JAKMIP2: variants seen among roughly 807,000 people sequenced by gnomAD.
JAKMIP2 encodes janus kinase and microtubule-interacting protein 2.
Under a neutral mutation model 115.0 loss-of-function variants are expected in JAKMIP2, and 25 were observed. The observed-to-expected ratio is 0.22, with a 90% confidence interval of 0.16 to 0.30. JAKMIP2 has a LOEUF of 0.30. JAKMIP2 is among the 10% of genes least tolerant of loss of function. The pLI is 1.00. For synonymous variants in JAKMIP2, 334 were observed against 343.6 expected (o/e 0.97, Z 0.31); for missense variants, 642 against 957.6 (o/e 0.67, Z 4.35).
At chr5:147,640,632 C>T (rs75996307) in intron 9 of JAKMIP2, 72 bp downstream of exon 9, 54,544 of 1,516,438 alleles carry the variant, frequency 0.036, 1,154 homozygotes, top group Non-Finnish European at 0.042. Flanking sequence ...AAAGTGAAAT[C>T]CTTTTTCTTC....
At chr5:147,598,493 T>C (rs1054418190) in intron 21 of JAKMIP2, among the ~76,000 whole-genome samples, 1 of 149,746 alleles carries the variant, frequency 6.7e-6, no homozygotes, top group African/African-American at 2.5e-5. Context: ...TATCTATCTA[T>C]GCTATTGGTT....
chr5:147,619,471 T>A (rs1756746124), intron 18 of JAKMIP2, among the ~76,000 whole-genome samples: 1 of 151,926 alleles, frequency 6.6e-6, no homozygotes, highest in Non-Finnish European at 1.5e-5. Context: ...AAGCAGGGAC[T>A]AAGTGCTTCA....
chr5:147,742,315 A>G (rs1754180677), intron 1 of JAKMIP2, among the ~76,000 whole-genome samples: 2 of 151,692 alleles, frequency 1.3e-5, no homozygotes, highest in South Asian at 4.2e-4. Context: ...GTCCCCTCTC[A>G]ATGCTTGCCT....
At chr5:147,605,104 C>T (rs1475131690) in intron 20 of JAKMIP2, among the ~76,000 whole-genome samples, 1 of 151,642 alleles carries the variant, frequency 6.6e-6, no homozygotes, top group Non-Finnish European at 1.5e-5. Context: ...TGTTAGTTTG[C>T]TGAGAATGAC....
intron 1 of JAKMIP2, among the ~76,000 whole-genome samples, chr5:147,704,746 T>C (rs779346698): frequency 5.9e-5 from 9 of 152,186 alleles, no homozygotes; most frequent in Non-Finnish European, 7.3e-5. Context: ...GTAAATATCT[T>C]TGGCTGTCAA....
intron 21 of JAKMIP2, among the ~76,000 whole-genome samples, chr5:147,594,791 G>T (rs1755281577): frequency 6.6e-6 from 1 of 152,274 alleles, no homozygotes; most frequent in East Asian, 1.9e-4. Context: ...TTGTCATAAA[G>T]TATTCAATAA....
At chr5:147,700,496 G>A (rs920528061) in intron 1 of JAKMIP2, among the ~76,000 whole-genome samples, 5 of 152,128 alleles carry the variant, frequency 3.3e-5, no homozygotes, top group Non-Finnish European at 5.9e-5. Context: ...GCTAATATAT[G>A]TCTCATGCAG....
At chr5:147,713,986 AT>A (rs941821728) in intron 1 of JAKMIP2, among the ~76,000 whole-genome samples, 6 of 152,164 alleles carry the variant, frequency 3.9e-5, no homozygotes, top group Non-Finnish European at 8.8e-5. Flanking sequence ...CCAGATTGCT[AT>A]TTTGCCTACA....
chr5:147,675,783 A>ATTTTTT (rs1245892919), intron 1 of JAKMIP2, among the ~76,000 whole-genome samples: 14 of 99,204 alleles, frequency 1.4e-4, no homozygotes, highest in East Asian at 5.9e-4. Flanking sequence ...ATCATATGAC[A>ATTTTTT]TTTTTTTTTT....
intron 2 of JAKMIP2, among the ~76,000 whole-genome samples, chr5:147,664,180 T>C (rs1169721826): frequency 1.3e-5 from 2 of 152,220 alleles, no homozygotes; most frequent in African/African-American, 4.8e-5. Flanking sequence ...TCACATTATA[T>C]TTCTCTTGGA....
intron 1 of JAKMIP2, among the ~76,000 whole-genome samples, chr5:147,672,437 C>G (rs1487842637): frequency 6.6e-6 from 1 of 152,222 alleles, no homozygotes; most frequent in Non-Finnish European, 1.5e-5. Context: ...ACCGGATTAA[C>G]TGAGTCACTC....
rs1754869113 is a variant in JAKMIP2, at chr5:147,586,337, C to T, written c.*5370G>A. The T allele has an allele frequency of 6.6e-6, 1 of 152,128 alleles. No homozygotes were observed. The highest frequency in any genetic ancestry group is 1.5e-5 in the Non-Finnish European group (1 of 68,040). The allele number at this position is 152,128 out of a possible 1,614,324, so 9.4% of individuals were successfully genotyped here. A position where few individuals can be genotyped will look rare whatever the true frequency, so the allele number is the denominator to read the frequency against. Reference sequence around the variant, plus strand: ...TTTATAAAAATGTTTGGATTTTGATCTGCCTCATTGTGGGAAGTTGCTATG... The same window carrying T: ...TTTATAAAAATGTTTGGATTTTGATTTGCCTCATTGTGGGAAGTTGCTATG... On this transcript the variant is annotated 3_prime_UTR_variant, in exon 22 of 22. Coordinates refer to ENST00000616793, the MANE Select transcript of JAKMIP2 (RefSeq NM_001270941.2).
intron 1 of JAKMIP2, among the ~76,000 whole-genome samples, chr5:147,763,218 T>C (rs984199645): frequency 2.1e-4 from 32 of 152,212 alleles, no homozygotes; most frequent in Admixed American, 9.8e-4. Flanking sequence ...ATAGCCTGGA[T>C]AGATGAGTTC....
chr5:147,623,184 G>A (rs1756930947), intron 17 of JAKMIP2, among the ~76,000 whole-genome samples: 1 of 151,590 alleles, frequency 6.6e-6, no homozygotes, highest in South Asian at 2.1e-4. Context: ...CAAATTGCTA[G>A]GACAGGTGTG....
chr5:147,635,208 TA>T (rs1460999441), intron 12 of JAKMIP2, among the ~76,000 whole-genome samples: 2 of 152,120 alleles, frequency 1.3e-5, no homozygotes, highest in African/African-American at 4.8e-5. Context: ...AATCTTTCAC[TA>T]GATTTGTAGA....
At chr5:147,769,724 G>GTAT (rs1035056762) in intron 1 of JAKMIP2, among the ~76,000 whole-genome samples, 19 of 150,452 alleles carry the variant, frequency 1.3e-4, no homozygotes, top group African/African-American at 3.7e-4. Context: ...ACATCAATGG[G>GTAT]TATTTTGTGT....
Position 147,615,484 on chromosome 5 carries a change from G to A in JAKMIP2, c.2346+2427C>T, listed in dbSNP as rs116112019. Among the ~76,000 whole-genome samples, 531 of 152,108 alleles carry A rather than the reference G, an allele frequency of 3.5e-3. 3 individuals carry two copies. Among genetic ancestry groups the A allele is most frequent in the African/African-American group, 0.012 (478 of 41,486 alleles). On this transcript the variant is annotated intron_variant, in intron 19 of 21. Coordinates refer to ENST00000616793, the MANE Select transcript of JAKMIP2 (RefSeq NM_001270941.2). ...TGGGTCAAATCTGGTTTTGGAGGGC[G>A]GGGTAGTCAGCTACTGAAGGACCTG... is the stretch of plus-strand genomic sequence containing the variant.
At chr5:147,609,061 A>G (rs1756175913) in intron 20 of JAKMIP2, among the ~76,000 whole-genome samples, 1 of 150,642 alleles carries the variant, frequency 6.6e-6, no homozygotes, top group African/African-American at 2.4e-5. Flanking sequence ...TTTTGAGTCT[A>G]TGTGTGTCTT....
At chr5:147,595,636 C>T (rs1285258943) in intron 21 of JAKMIP2, 1 of 401,982 alleles carries the variant, frequency 2.5e-6, no homozygotes, top group Non-Finnish European at 5.1e-6. Flanking sequence ...ATAATGGTCT[C>T]CATTATGCAG....
Sources: allele counts gnomAD v4.1 joint callset (sites outside exome capture counted in the v4.1 genomes callset), GRCh38; gene constraint gnomAD v4.1.1; transcripts MANE v1.5; gene names NCBI Gene and HGNC (gene_info 2026-07-23, HGNC 2026-07-21).